Variants in RBFOX1 observed in about 807,000 individuals in gnomAD.
RBFOX1 encodes the protein RNA binding fox-1 homolog 1, also known as RNA binding protein fox-1 homolog 1.
In RBFOX1, 8 loss-of-function variants were observed where a neutral mutation model predicts 57.7. That is an observed-to-expected ratio of 0.14 (90% CI 0.08 to 0.25). The LOEUF is 0.25. RBFOX1 is among the 10% of genes least tolerant of loss of function. The pLI is 1.00. For synonymous variants in RBFOX1, 326 were observed against 222.4 expected, an observed-to-expected ratio of 1.47 and a Z score of -4.15; for missense variants, 611 against 548.5, an observed-to-expected ratio of 1.11 and a Z score of -1.14.
At chr16:7,563,311 A>G (rs536610935) in intron 5 of RBFOX1, among the ~76,000 whole-genome samples, 1 of 152,250 alleles carries the variant, frequency 6.6e-6, no homozygotes, top group African/African-American at 2.4e-5. Flanking sequence ...TAGTATTCCT[A>G]TTTTCTAGAT....
chr16:6,769,049 A>G (rs1165213322), intron 3 of RBFOX1, among the ~76,000 whole-genome samples: 1 of 152,094 alleles, frequency 6.6e-6, no homozygotes, highest in Non-Finnish European at 1.5e-5. Context: ...TTTTCTGTTT[A>G]ACAGTTGATA....
chr16:5,347,404 C>G (rs1379526651), intron 1 of RBFOX1, among the ~76,000 whole-genome samples: 1 of 152,096 alleles, frequency 6.6e-6, no homozygotes, highest in East Asian at 1.9e-4. Context: ...GAGCTATTAG[C>G]CTATGTCAGG....
chr16:5,476,187 A>G (rs764763100), intron 2 of RBFOX1, among the ~76,000 whole-genome samples: 30 of 152,170 alleles, frequency 2.0e-4, no homozygotes, highest in East Asian at 3.8e-4. Context: ...GAATCAGGCA[A>G]TGCATGTTAC....
At chr16:7,518,937 G>C (rs1201926902) in intron 5 of RBFOX1, among the ~76,000 whole-genome samples, 1 of 152,138 alleles carries the variant, frequency 6.6e-6, no homozygotes, top group Non-Finnish European at 1.5e-5. Flanking sequence ...GTGGGAGGAT[G>C]GCTTGGGGCC....
At chr16:5,331,646 A>C (rs997373006) in intron 1 of RBFOX1, among the ~76,000 whole-genome samples, 1 of 152,274 alleles carries the variant, frequency 6.6e-6, no homozygotes, top group Non-Finnish European at 1.5e-5. Flanking sequence ...GGGTGGAGAA[A>C]TAGGGTTCAT....
intron 1 of RBFOX1, among the ~76,000 whole-genome samples, chr16:6,276,020 C>A (rs1036394780): frequency 6.6e-6 from 1 of 152,152 alleles, no homozygotes; most frequent in Non-Finnish European, 1.5e-5. Flanking sequence ...TAAGTTTAAG[C>A]TATTCTTTAA....
intron 2 of RBFOX1, among the ~76,000 whole-genome samples, chr16:6,543,803 G>T (rs79257063): frequency 8.9e-4 from 135 of 152,136 alleles, no homozygotes; most frequent in African/African-American, 3.0e-3. Context: ...TCACTACAGA[G>T]TCTACCCTGG....
chr16:6,664,991 G>C (rs531109267), intron 3 of RBFOX1, among the ~76,000 whole-genome samples: 1 of 152,308 alleles, frequency 6.6e-6, no homozygotes, highest in South Asian at 2.1e-4. Context: ...TGCCGCATTA[G>C]TCAGGGCATT....
intron 4 of RBFOX1, among the ~76,000 whole-genome samples, chr16:7,285,615 G>T (rs751663433): frequency 3.3e-5 from 5 of 150,810 alleles, no homozygotes; most frequent in African/African-American, 7.3e-5. Context: ...GACATTTCAA[G>T]AAATGGACCC....
At chr16:7,097,967 A>G (rs1298708779) in intron 4 of RBFOX1, among the ~76,000 whole-genome samples, 1 of 152,144 alleles carries the variant, frequency 6.6e-6, no homozygotes. Context: ...GTTTAATAAT[A>G]GTGAGTGTTG....
In RBFOX1 at chr16:6,273,185, G is replaced by A. The variant is rs545127548; in HGVS notation, c.-126-43810G>A. Among the ~76,000 whole-genome samples, 17 of 151,024 alleles carry A rather than the reference G, an allele frequency of 1.1e-4. No individual in the cohort carries two copies. The East Asian group carries it at 1.8e-3, about 16-fold the overall frequency. Reference sequence around the variant, plus strand: ...TGAGGCAGGAGAATGGCTTGAACCTGGAGGCAGAGGTTGCAGTGAGCCATG... The same window carrying A: ...TGAGGCAGGAGAATGGCTTGAACCTAGAGGCAGAGGTTGCAGTGAGCCATG... On this transcript the variant is annotated intron_variant, in intron 1 of 15. Coordinates refer to ENST00000550418, the MANE Select transcript of RBFOX1 (RefSeq NM_018723.4).
At chr16:6,913,307 C>G (rs2072193179) in intron 3 of RBFOX1, among the ~76,000 whole-genome samples, 1 of 152,078 alleles carries the variant, frequency 6.6e-6, no homozygotes, top group Non-Finnish European at 1.5e-5. Flanking sequence ...TCATGCTGTT[C>G]AAAAGATTCA....
intron 1 of RBFOX1, among the ~76,000 whole-genome samples, chr16:6,285,002 C>T (rs908435772): frequency 1.2e-4 from 18 of 152,070 alleles, no homozygotes; most frequent in African/African-American, 4.1e-4. Flanking sequence ...ACAAGGGCTT[C>T]AAAGAAACAT....
At chr16:5,758,911 C>A (rs75409543) in intron 3 of RBFOX1, among the ~76,000 whole-genome samples, 1 of 152,086 alleles carries the variant, frequency 6.6e-6, no homozygotes, top group Admixed American at 6.5e-5. Context: ...ACTCCACTTA[C>A]CTCTTGTGTA....
At position 7,159,254 on chromosome 16, in the gene RBFOX1, T is replaced by C. The variant is rs981277935; in HGVS notation, c.27+107156T>C. Among the ~76,000 whole-genome samples the C allele has an allele frequency of 2.0e-5, 3 of 151,368 alleles. No homozygotes were observed. In the East Asian group the frequency reaches 5.9e-4, roughly 30 times the overall value. On this transcript the variant is annotated intron_variant, in intron 4 of 15. Coordinates refer to ENST00000550418, the MANE Select transcript of RBFOX1 (RefSeq NM_018723.4). ...GGTGTCAATCTACCACCCAAGAATC[T>C]TTTTTCAGTAGACACCCTGAGGCTG...
intron 4 of RBFOX1, among the ~76,000 whole-genome samples, chr16:5,882,720 C>A (rs114575485): frequency 1.3e-5 from 2 of 152,140 alleles, no homozygotes; most frequent in Non-Finnish European, 2.9e-5. Context: ...AGCAGAGGCC[C>A]CATGTGCCAG....
At chr16:5,469,525 C>T (rs531423284) in intron 2 of RBFOX1, among the ~76,000 whole-genome samples, 6 of 152,150 alleles carry the variant, frequency 3.9e-5, no homozygotes, top group Middle Eastern at 3.2e-3. Flanking sequence ...ATTCATATAA[C>T]ATGAAGTTAG....
intron 1 of RBFOX1, among the ~76,000 whole-genome samples, chr16:6,118,638 C>G (rs1439944228): frequency 6.6e-6 from 1 of 151,546 alleles, no homozygotes; most frequent in Admixed American, 6.6e-5. Flanking sequence ...CTCTCTCCCT[C>G]TCTTTCTTTC....
chr16:7,018,612 C>A (rs544462795), intron 3 of RBFOX1, among the ~76,000 whole-genome samples: 2 of 152,138 alleles, frequency 1.3e-5, no homozygotes, highest in South Asian at 4.1e-4. Flanking sequence ...ATGACTGGGT[C>A]AAATGTTATT....
Sources: gnomAD v4.1 joint callset for allele counts (sites outside exome capture counted in the v4.1 genomes callset) on GRCh38, gnomAD v4.1.1 for gene constraint, MANE v1.5 for transcripts, NCBI Gene and HGNC (gene_info 2026-07-23, HGNC 2026-07-21) for gene names.